ATP8A2: variants seen among roughly 807,000 people sequenced by gnomAD.
The protein encoded by ATP8A2 is phospholipid-transporting ATPase IB.
A neutral mutation model predicts 165.6 loss-of-function variants in ATP8A2; 100 were observed. The ratio of observed to expected loss-of-function variants is 0.60; its 90% confidence interval spans 0.51 to 0.71. The LOEUF (loss-of-function observed/expected upper bound fraction) is 0.71, where lower values mean the gene tolerates loss of function less well. Ranked by LOEUF, ATP8A2 falls within the 30% of genes least tolerant of loss-of-function variation. The pLI is 0.00. For synonymous variants in ATP8A2, 543 were observed against 548.8 expected, an observed-to-expected ratio of 0.99 and a Z score of 0.15; for missense variants, 1,227 against 1,479.5, an observed-to-expected ratio of 0.83 and a Z score of 2.80.
chr13:25,835,735 A>T (rs1182164292), intron 28 of ATP8A2, among the ~76,000 whole-genome samples: 1 of 152,112 alleles, frequency 6.6e-6, no homozygotes, highest in Non-Finnish European at 1.5e-5. Flanking sequence ...AGTACAGGTG[A>T]AAGTCACAAG....
At chr13:25,767,933 G>A (rs2044525313) in intron 25 of ATP8A2, among the ~76,000 whole-genome samples, 1 of 152,078 alleles carries the variant, frequency 6.6e-6, no homozygotes, top group Admixed American at 6.5e-5. Flanking sequence ...GACCATCTAG[G>A]AGCTGTTGAA....
intron 10 of ATP8A2, among the ~76,000 whole-genome samples, chr13:25,546,402 G>A (rs1424843055): frequency 2.6e-5 from 4 of 151,978 alleles, no homozygotes; most frequent in Admixed American, 1.3e-4. Context: ...CTTTCAAAAG[G>A]AATATAACAC....
rs1303982760 is a variant in ATP8A2 at position 25,559,010 on chromosome 13, C to G, written c.1301C>G (p.Thr434Arg). 1 of 1,612,786 alleles carries G rather than the reference C, an allele frequency of 6.2e-7. No homozygotes were observed. The highest frequency in any genetic ancestry group is 8.5e-7 in the Non-Finnish European group (1 of 1,179,310). The change falls in exon 14 of 37, where the codon ACA (threonine) becomes AGA (arginine). Residue 434 changes from threonine (T) to arginine (R), a missense_variant. Around this residue, in one of 5 missense-constraint regions of ATP8A2, gnomAD observed 592 missense variants for 785.6 expected, o/e 0.75. Coordinates refer to ENST00000381655, the MANE Select transcript of ATP8A2 (RefSeq NM_016529.6). ...TTTTCTGACAAGACTGGAACGCTTA[C>G]ATGCAATATCATGAACTTTAAGAAG... ...YLFSDKTGTL[T>R]CNIMNFKKCS... is the part of the protein sequence containing the mutation.
At chr13:25,520,664 G>A (rs895884805) in intron 2 of ATP8A2, among the ~76,000 whole-genome samples, 1 of 147,894 alleles carries the variant, frequency 6.8e-6, no homozygotes, top group South Asian at 2.1e-4. Context: ...GCAGTGGCAC[G>A]ATCTTGGCTC....
intron 33 of ATP8A2, among the ~76,000 whole-genome samples, chr13:25,938,587 C>G (rs1954981579): frequency 6.6e-6 from 1 of 152,080 alleles, no homozygotes; most frequent in South Asian, 2.1e-4. Context: ...AACAAAGGTG[C>G]TAACAGGACA....
intron 30 of ATP8A2, among the ~76,000 whole-genome samples, chr13:25,843,378 T>C (rs933485859): frequency 1.3e-5 from 2 of 152,086 alleles, no homozygotes; most frequent in Non-Finnish European, 2.9e-5. Context: ...ATCTGACTGC[T>C]CATGCCCCCC....
chr13:25,531,372 ATG>A (rs1491355398), intron 4 of ATP8A2, among the ~76,000 whole-genome samples: 6 of 107,764 alleles, frequency 5.6e-5, no homozygotes, highest in African/African-American at 1.4e-4. Flanking sequence ...TGATATATAT[ATG>A]TTATATATAT....
intron 33 of ATP8A2, among the ~76,000 whole-genome samples, chr13:25,960,098 G>A (rs899593335): frequency 6.6e-6 from 1 of 152,246 alleles, no homozygotes; most frequent in African/African-American, 2.4e-5. Context: ...GGGCCCAGAG[G>A]CAGGAGGGCT....
At chr13:25,868,603 C>G (rs946162370) in intron 33 of ATP8A2, among the ~76,000 whole-genome samples, 1 of 152,172 alleles carries the variant, frequency 6.6e-6, no homozygotes, top group African/African-American at 2.4e-5. Context: ...AAGTAACACA[C>G]TGTGTTTCTG....
intron 27 of ATP8A2, among the ~76,000 whole-genome samples, chr13:25,789,344 A>G (rs1208755112): frequency 6.6e-6 from 1 of 152,222 alleles, no homozygotes; most frequent in African/African-American, 2.4e-5. Flanking sequence ...TAGTGTTTAA[A>G]CAAAACAAAA....
intron 24 of ATP8A2, among the ~76,000 whole-genome samples, chr13:25,638,864 G>A (rs1355552978): frequency 6.6e-6 from 1 of 152,034 alleles, no homozygotes; most frequent in Non-Finnish European, 1.5e-5. Flanking sequence ...GAGAACGGTC[G>A]GGTTACCCAC....
intron 33 of ATP8A2, among the ~76,000 whole-genome samples, chr13:25,927,639 A>G (rs1954649362): frequency 6.6e-6 from 1 of 152,256 alleles, no homozygotes; most frequent in Non-Finnish European, 1.5e-5. Context: ...TCTTCATAGC[A>G]AGTGAAAGAT....
At chr13:25,940,183 C>T (rs575773101) in intron 33 of ATP8A2, among the ~76,000 whole-genome samples, 1 of 152,216 alleles carries the variant, frequency 6.6e-6, no homozygotes, top group South Asian at 2.1e-4. Flanking sequence ...GCTCTTCATG[C>T]CGAACTTGAC....
intron 33 of ATP8A2, among the ~76,000 whole-genome samples, chr13:25,874,858 A>T (rs1407767816): frequency 6.6e-6 from 1 of 151,850 alleles, no homozygotes; most frequent in South Asian, 2.1e-4. Flanking sequence ...TACAATATAT[A>T]CACACAATGG....
intron 35 of ATP8A2, among the ~76,000 whole-genome samples, chr13:25,984,633 A>G (rs1008391218): frequency 1.3e-5 from 2 of 151,932 alleles, no homozygotes; most frequent in African/African-American, 4.8e-5. Flanking sequence ...ACAAACAAAA[A>G]CGAAACAAAA....
chr13:25,529,930 C>G (rs148665974), intron 2 of ATP8A2, 69 bp from the exon 3 acceptor site: 57 of 867,168 alleles, frequency 6.6e-5, no homozygotes, highest in Middle Eastern at 2.4e-4. Context: ...TTCTAAACTT[C>G]TTGTCCTGTT....
intron 25 of ATP8A2, among the ~76,000 whole-genome samples, chr13:25,738,345 C>A (rs865787168): frequency 0.078 from 9,869 of 126,882 alleles, 1,110 homozygotes; most frequent in African/African-American, 0.26. Flanking sequence ...CCCCCTCCCC[C>A]CCCCCCACAC....
intron 27 of ATP8A2, among the ~76,000 whole-genome samples, chr13:25,802,611 G>C (rs1271488278): frequency 6.6e-6 from 1 of 152,188 alleles, no homozygotes; most frequent in East Asian, 1.9e-4. Context: ...TCTGTTATCA[G>C]TATGTGTATC....
Position 25,792,222 on chromosome 13 carries a change from G to A in ATP8A2, c.2679+17263G>A, listed in dbSNP as rs78116725. Among the ~76,000 whole-genome samples the A allele has an allele frequency of 9.0e-4, 137 of 152,294 alleles. 1 individual carries two copies. Among genetic ancestry groups the A allele is most frequent in the African/African-American group, 2.9e-3 (119 of 41,566 alleles). ...TCTGGTTATGATCTGTATACATTTA[G>A]TGTGCAATTCAAGTATAAAGGCTTT... On this transcript the variant is annotated intron_variant, in intron 27 of 36. Transcript: ENST00000381655.
Sources: gnomAD v4.1 joint callset for allele counts (sites outside exome capture counted in the v4.1 genomes callset) on GRCh38, gnomAD v4.1.1 for gene constraint, gnomAD v4.1.1 regional missense constraint, MANE v1.5 for transcripts, NCBI Gene and HGNC (gene_info 2026-07-23, HGNC 2026-07-21) for gene names.